The following DGKB variants were observed in gnomAD, a reference collection of about 807,000 sequenced individuals.
The protein encoded by DGKB is 90 kDa diacylglycerol kinase.
Under a neutral mutation model 114.3 loss-of-function variants are expected in DGKB, and 67 were observed. The observed-to-expected ratio is 0.59, with a 90% CI of 0.48 to 0.72. DGKB has a LOEUF of 0.72. Among genes scored for constraint, DGKB ranks in the 30% least tolerant of loss-of-function variants. The probability of loss-of-function intolerance (pLI) is 0.00; values close to 1 mark genes in which losing one functional copy is unlikely to be tolerated. For synonymous variants in DGKB, 398 were observed against 323.1 expected, an observed-to-expected ratio of 1.23 and a Z score of -2.49; for missense variants, 907 against 975.2, an observed-to-expected ratio of 0.93 and a Z score of 0.93.
At chr7:14,734,132 T>C (rs896390133) in intron 5 of DGKB, among the ~76,000 whole-genome samples, 27 of 152,112 alleles carry the variant, frequency 1.8e-4, no homozygotes, top group African/African-American at 5.8e-4. Context: ...CTTCCTGGGT[T>C]CAAGTGATTC....
intron 15 of DGKB, among the ~76,000 whole-genome samples, chr7:14,619,069 G>A (rs1369935084): frequency 6.6e-6 from 1 of 151,094 alleles, no homozygotes; most frequent in African/African-American, 2.4e-5. Flanking sequence ...AAACTATGTG[G>A]CTATATATGT....
intron 9 of DGKB, among the ~76,000 whole-genome samples, chr7:14,686,478 G>T (rs1436603637): frequency 6.6e-6 from 1 of 152,086 alleles, no homozygotes; most frequent in Non-Finnish European, 1.5e-5. Context: ...TTTCCAGGTT[G>T]TCCAAGTTGT....
At chr7:14,931,351 C>T (rs1331424229) in intron 1 of DGKB, among the ~76,000 whole-genome samples, 6 of 152,142 alleles carry the variant, frequency 3.9e-5, no homozygotes, top group African/African-American at 1.4e-4. Flanking sequence ...ACCTCGTGAT[C>T]CACCTGCCTT....
intron 6 of DGKB, among the ~76,000 whole-genome samples, chr7:14,703,999 T>G (rs2129015003): frequency 6.6e-6 from 1 of 152,226 alleles, no homozygotes; most frequent in South Asian, 2.1e-4. Context: ...CTATTACCTC[T>G]AAATCGAAAA....
chr7:14,520,017 G>T (rs957176931), intron 20 of DGKB, among the ~76,000 whole-genome samples: 2 of 151,258 alleles, frequency 1.3e-5, no homozygotes, highest in Admixed American at 6.6e-5. Flanking sequence ...TTTCTTAATG[G>T]TATCTTTTAA....
chr7:14,819,044 T>G (rs986589140), intron 2 of DGKB, among the ~76,000 whole-genome samples: 1 of 152,186 alleles, frequency 6.6e-6, no homozygotes, highest in African/African-American at 2.4e-5. Flanking sequence ...ACAACTCCTG[T>G]GTCCACCTTC....
intron 21 of DGKB, among the ~76,000 whole-genome samples, chr7:14,418,120 G>C (rs1392982781): frequency 3.1e-5 from 4 of 128,724 alleles, no homozygotes; most frequent in Non-Finnish European, 6.6e-5. Flanking sequence ...TAGAGTTAGA[G>C]TTTTTAAAAA....
At chr7:14,405,703 C>T (rs890383782) in intron 21 of DGKB, among the ~76,000 whole-genome samples, 2 of 151,904 alleles carry the variant, frequency 1.3e-5, no homozygotes, top group African/African-American at 4.8e-5. Flanking sequence ...ATAGGTTGTG[C>T]CTCATGAAAC....
At chr7:14,576,051 A>T (rs570816050) in intron 19 of DGKB, among the ~76,000 whole-genome samples, 1 of 152,340 alleles carries the variant, frequency 6.6e-6, no homozygotes, top group South Asian at 2.1e-4. Context: ...CTCGCTACTT[A>T]ATACATACAG....
chr7:14,800,892 C>T (rs776863696), intron 2 of DGKB, among the ~76,000 whole-genome samples: 1 of 152,056 alleles, frequency 6.6e-6, no homozygotes, highest in Non-Finnish European at 1.5e-5. Flanking sequence ...AGGTGTGAGT[C>T]ACCCCGCCAG....
intron 21 of DGKB, among the ~76,000 whole-genome samples, chr7:14,357,121 G>A (rs1283497556): frequency 6.6e-6 from 1 of 152,170 alleles, no homozygotes; most frequent in Non-Finnish European, 1.5e-5. Flanking sequence ...TCTGCTTGGT[G>A]CAGAACTGAG....
intron 17 of DGKB, among the ~76,000 whole-genome samples, chr7:14,583,998 T>A (rs1800338001): frequency 6.6e-6 from 1 of 152,242 alleles, no homozygotes; most frequent in Admixed American, 6.6e-5. Flanking sequence ...TTTTTCTACG[T>A]ACTTACGTAT....
intron 18 of DGKB, among the ~76,000 whole-genome samples, chr7:14,581,711 G>A (rs1799959062): frequency 6.6e-6 from 1 of 152,172 alleles, no homozygotes; most frequent in Admixed American, 6.5e-5. Context: ...ACATATGTGT[G>A]TAGGGATAGA....
rs1230882407 is a variant in DGKB, at chr7:14,927,600, A to G, written c.-188+47096T>C. On this transcript the variant is annotated intron_variant, in intron 1 of 4. Transcript: ENST00000437998. Reference sequence around the variant, plus strand: ...AGTCATGGTCAAAAAATATTAAAATAAAGGTTGAATTATATATACTTTTAA... The same window carrying G: ...AGTCATGGTCAAAAAATATTAAAATGAAGGTTGAATTATATATACTTTTAA... 2.7e-5 allele frequency among the ~76,000 whole-genome samples: 4 copies of G among 149,388 alleles called. No homozygotes were observed. The Admixed American group carries it at 2.7e-4, about 10-fold the overall frequency.
intron 2 of DGKB, among the ~76,000 whole-genome samples, chr7:14,793,265 A>G (rs1453016817): frequency 6.6e-6 from 1 of 152,134 alleles, no homozygotes; most frequent in Non-Finnish European, 1.5e-5. Context: ...ATGTCATGTA[A>G]AATTGTTTAG....
intron 21 of DGKB, among the ~76,000 whole-genome samples, chr7:14,475,529 T>G (rs1374231736): frequency 6.6e-6 from 1 of 152,152 alleles, no homozygotes; most frequent in Non-Finnish European, 1.5e-5. Context: ...ATCATTATCT[T>G]AAAAAATATT....
At chr7:14,703,704 C>T (rs553202552) in intron 6 of DGKB, among the ~76,000 whole-genome samples, 1 of 152,262 alleles carries the variant, frequency 6.6e-6, no homozygotes, top group Admixed American at 6.5e-5. Context: ...TCGAGGCAAC[C>T]ATCCCAGCCC....
At chr7:14,498,227 G>A (rs1463418361) in intron 20 of DGKB, among the ~76,000 whole-genome samples, 1 of 151,752 alleles carries the variant, frequency 6.6e-6, no homozygotes, top group Non-Finnish European at 1.5e-5. Flanking sequence ...CTCCTTAATA[G>A]CATTTGTTGA....
At chr7:14,598,324 C>G (rs1049329315) in intron 17 of DGKB, among the ~76,000 whole-genome samples, 3 of 152,122 alleles carry the variant, frequency 2.0e-5, no homozygotes, top group African/African-American at 4.8e-5. Context: ...TAATAATACA[C>G]ATAAAGAAAC....
Sources: allele counts gnomAD v4.1 joint callset (sites outside exome capture counted in the v4.1 genomes callset), GRCh38; gene constraint gnomAD v4.1.1; transcripts MANE v1.5; gene names NCBI Gene and HGNC (gene_info 2026-07-23, HGNC 2026-07-21).